The following VPS37A variants were observed in gnomAD, a reference collection of about 807,000 sequenced individuals.
VPS37A encodes the protein vacuolar protein sorting-associated protein 37A.
Under a neutral mutation model 49.8 loss-of-function variants are expected in VPS37A, and 30 were observed. That is an observed-to-expected ratio of 0.60 (90% CI 0.45 to 0.82). The LOEUF is 0.82. Among genes scored for constraint, VPS37A ranks in the 40% least tolerant of loss-of-function variants. The pLI, the probability that VPS37A is intolerant of heterozygous loss-of-function variation, is 0.00. For missense variants in VPS37A, 593 were observed against 464.4 expected, an observed-to-expected ratio of 1.28 and a Z score of -2.55; for synonymous variants, 195 against 160.6, an observed-to-expected ratio of 1.21 and a Z score of -1.62.
chr8:17,283,024 A>T (rs1815235289), intron 9 of VPS37A, among the ~76,000 whole-genome samples: 1 of 152,242 alleles, frequency 6.6e-6, no homozygotes, highest in African/African-American at 2.4e-5. Flanking sequence ...GTAATTTTTT[A>T]AAAAGCCAAA....
chr8:17,292,413 C>G (rs1013172262), intron 11 of VPS37A, among the ~76,000 whole-genome samples: 3 of 152,138 alleles, frequency 2.0e-5, no homozygotes, highest in South Asian at 2.1e-4. Flanking sequence ...GATCTTGACT[C>G]TGTATCATTT....
chr8:17,303,755 G>A (rs768528941), downstream of VPS37A, among the ~76,000 whole-genome samples: 7 of 152,048 alleles, frequency 4.6e-5, no homozygotes, highest in Non-Finnish European at 7.4e-5. Context: ...GATTACAGGC[G>A]CTCACCACCA....
At chr8:17,252,985 T>G (rs1812114496) in intron 1 of VPS37A, among the ~76,000 whole-genome samples, 1 of 152,210 alleles carries the variant, frequency 6.6e-6, no homozygotes. Context: ...TTATATTGTC[T>G]ATTTGTAACC....
At chr8:17,307,113 T>C (rs931840887), downstream of VPS37A, among the ~76,000 whole-genome samples, 3 of 151,836 alleles carry the variant, frequency 2.0e-5, no homozygotes, top group African/African-American at 7.3e-5. Flanking sequence ...ACCTACAAAA[T>C]GGGAGAAAAT....
intron 1 of VPS37A, chr8:17,247,708 C>G (rs975877348): frequency 7.1e-6 from 5 of 702,626 alleles, no homozygotes; most frequent in Non-Finnish European, 1.3e-5. Flanking sequence ...TTTCCCTTTG[C>G]CCACCTGATT....
chr8:17,257,899 A>G (rs1812620553), intron 1 of VPS37A, among the ~76,000 whole-genome samples: 1 of 152,038 alleles, frequency 6.6e-6, no homozygotes, highest in African/African-American at 2.4e-5. Flanking sequence ...ATTCTTTGTA[A>G]CTATTGTAAC....
chr8:17,332,277 A>T, the VPS37A span, among the ~76,000 whole-genome samples: 1 of 152,232 alleles, frequency 6.6e-6, no homozygotes, highest in African/African-American at 2.4e-5. Context: ...TTAAAAGCTA[A>T]AAGAGCTAAG....
chr8:17,317,214 T>A, the VPS37A span, among the ~76,000 whole-genome samples: 1 of 152,200 alleles, frequency 6.6e-6, no homozygotes, highest in Non-Finnish European at 1.5e-5. Context: ...TCCATTCACA[T>A]GTAAGAGCAA....
chr8:17,295,741 T>G lies in VPS37A; in HGVS notation c.*755T>G, dbSNP rs1816571181. The stretch of plus-strand genomic sequence containing the variant: ...TAGGTTTGTGGTTGGATAGGTTTTC[T>G]AAATTCCTAATGTTAAAAACAATCT... On this transcript the variant is annotated 3_prime_UTR_variant, in exon 12 of 12. Coordinates refer to ENST00000324849, the MANE Select transcript of VPS37A (RefSeq NM_152415.3). The G allele has an allele frequency of 6.6e-6, 1 of 152,238 alleles. No homozygotes were observed. The highest frequency in any genetic ancestry group is 2.4e-5 in the African/African-American group (1 of 41,456). 9.4% of individuals were successfully genotyped at this position (152,238 alleles called of 1,614,324 possible).
chr8:17,247,229 C>A lies in VPS37A; in HGVS notation c.-16C>A, dbSNP rs1373366758. 13 of 1,565,322 alleles carry A rather than the reference C, an allele frequency of 8.3e-6. No individual in the cohort carries two copies. Among genetic ancestry groups the A allele is most frequent in the Non-Finnish European group, 1.1e-5 (13 of 1,154,904 alleles). On this transcript the variant is annotated 5_prime_UTR_variant, in exon 1 of 12. Coordinates refer to ENST00000324849, the MANE Select transcript of VPS37A (RefSeq NM_152415.3). ...CCAGAGCCTTCCAGGGCCTCCGGCC[C>A]GTGGACCCGAGGAGGATGAGCTGGC...
At chr8:17,278,726 T>C (rs1814756921) in intron 6 of VPS37A, among the ~76,000 whole-genome samples, 1 of 152,134 alleles carries the variant, frequency 6.6e-6, no homozygotes, top group South Asian at 2.1e-4. Flanking sequence ...CTGTTGTCTT[T>C]AGGATATGAC....
chr8:17,262,925 G>A (rs537631067), intron 1 of VPS37A, among the ~76,000 whole-genome samples: 89 of 152,048 alleles, frequency 5.9e-4, no homozygotes, highest in South Asian at 1.2e-3. Flanking sequence ...GCTGGGTGTG[G>A]TGGTGTGCAC....
At chr8:17,291,715 G>T (rs1451640778) in intron 11 of VPS37A, among the ~76,000 whole-genome samples, 1 of 152,002 alleles carries the variant, frequency 6.6e-6, no homozygotes, top group Non-Finnish European at 1.5e-5. Flanking sequence ...ATTTATTTCT[G>T]TCTTCATTTC....
intron 6 of VPS37A, among the ~76,000 whole-genome samples, chr8:17,279,292 G>T (rs949583043): frequency 6.6e-6 from 1 of 152,088 alleles, no homozygotes; most frequent in Non-Finnish European, 1.5e-5. Context: ...TTGGAATCAT[G>T]CACTGACCTG....
At chr8:17,302,224 A>T, downstream of VPS37A, 1 of 1,614,080 alleles carries the variant, frequency 6.2e-7, no homozygotes, top group Non-Finnish European at 8.5e-7. Flanking sequence ...GTAATCTGTA[A>T]CTGACTGTCG....
the VPS37A span, among the ~76,000 whole-genome samples, chr8:17,322,368 G>A: frequency 6.6e-6 from 1 of 152,172 alleles, no homozygotes; most frequent in Admixed American, 6.5e-5. Flanking sequence ...CAAGCAGCAA[G>A]TTCATAGAAT....
the VPS37A span, among the ~76,000 whole-genome samples, chr8:17,323,611 G>C: frequency 6.6e-6 from 1 of 152,106 alleles, no homozygotes; most frequent in South Asian, 2.1e-4. Context: ...AGTAACTCAA[G>C]TGGTAAAATG....
chr8:17,255,230 C>T (rs1812329656), intron 1 of VPS37A, among the ~76,000 whole-genome samples: 1 of 152,162 alleles, frequency 6.6e-6, no homozygotes, highest in South Asian at 2.1e-4. Flanking sequence ...CCTGTAATCC[C>T]AGCACTTTGG....
intron 11 of VPS37A, among the ~76,000 whole-genome samples, chr8:17,294,389 T>C (rs1816433457): frequency 6.6e-6 from 1 of 152,104 alleles, no homozygotes. Flanking sequence ...CTTGCTAGAC[T>C]CCATAGGGGT....
Sources: allele counts gnomAD v4.1 joint callset (sites outside exome capture counted in the v4.1 genomes callset), GRCh38; gene constraint gnomAD v4.1.1; transcripts MANE v1.5; gene names NCBI Gene and HGNC (gene_info 2026-07-23, HGNC 2026-07-21).